Variants in SLC44A1 observed in about 807,000 individuals in gnomAD.
SLC44A1 encodes the protein solute carrier family 44 member 1, also known as choline transporter-like protein 1.
Under a neutral mutation model 79.3 loss-of-function variants are expected in SLC44A1, and 26 were observed. That is an observed-to-expected ratio of 0.33 (90% CI 0.24 to 0.46). The LOEUF (loss-of-function observed/expected upper bound fraction) is 0.46, where lower values mean the gene tolerates loss of function less well. Among genes scored for constraint, SLC44A1 ranks in the 20% least tolerant of loss-of-function variants. The pLI, the probability that SLC44A1 is intolerant of heterozygous loss-of-function variation, is 1.00. For synonymous variants in SLC44A1, 263 were observed against 286.2 expected, an observed-to-expected ratio of 0.92 and a Z score of 0.82; for missense variants, 688 against 798.1, an observed-to-expected ratio of 0.86 and a Z score of 1.66.
chr9:105,325,229 C>T (rs2417614), intron 3 of SLC44A1, among the ~76,000 whole-genome samples: 20,082 of 152,114 alleles, frequency 0.13, 2,679 homozygotes, highest in African/African-American at 0.35. Context: ...GAAAGTGTTA[C>T]ACTACATAAA....
Position 105,391,852 on chromosome 9 carries a change from G to A in SLC44A1, c.*2796G>A. 8 of 985,168 alleles carry A rather than the reference G, an allele frequency of 8.1e-6. No homozygotes were observed. Among genetic ancestry groups the A allele is most frequent in the Non-Finnish European group, 7.2e-6 (6 of 829,862 alleles). The allele number at this position is 985,168 out of a possible 1,614,324, so 61.0% of individuals were successfully genotyped here. A position where few individuals can be genotyped will look rare whatever the true frequency, so the allele number is the denominator to read the frequency against. On this transcript the variant is annotated 3_prime_UTR_variant, in exon 16 of 16. Transcript: ENST00000374720. ...TGTGGTGGTTTTTGTCTTCTTCTGT[G>A]GTGAATCTTCAAAACTGTATTCAGG...
intron 8 of SLC44A1, among the ~76,000 whole-genome samples, chr9:105,362,431 C>T (rs1564458959): frequency 6.6e-6 from 1 of 152,054 alleles, no homozygotes; most frequent in Non-Finnish European, 1.5e-5. Flanking sequence ...ACACAGATCC[C>T]ACTTTTAAGG....
At chr9:105,337,820 A>G (rs1826969998) in intron 4 of SLC44A1, among the ~76,000 whole-genome samples, 3 of 152,100 alleles carry the variant, frequency 2.0e-5, no homozygotes, top group South Asian at 2.1e-4. Context: ...GAGATGCCCT[A>G]TGGTCCCCTG....
rs532908912 is a variant in SLC44A1, at chr9:105,383,340, A to C, written c.1850A>C (p.Tyr617Ser). Residue 617 changes from tyrosine (Y) to serine (S), a missense_variant, in exon 14 of 16, where the codon TAT becomes TCT. Tyr to Ser is a moderately radical substitution (Grantham distance 144). Transcript: ENST00000374720. ...YNDGSPGREF[Y>S]MDKVLMEFVE... ...GATGGGAGCCCTGGCAGAGAATTCT[A>C]TATGGATAAAGTGCTGATGGTAAGT... 6 of 1,603,634 alleles carry C rather than the reference A, an allele frequency of 3.7e-6. No individual in the cohort carries two copies. The South Asian group carries it at 6.6e-5, about 18-fold the overall frequency.
intron 12 of SLC44A1, among the ~76,000 whole-genome samples, chr9:105,371,935 A>T (rs1828117329): frequency 6.6e-6 from 1 of 152,168 alleles, no homozygotes; most frequent in African/African-American, 2.4e-5. Flanking sequence ...GTTACACAAG[A>T]TCAAAAGTGT....
At chr9:105,262,465 A>G (rs1282221857) in intron 1 of SLC44A1, among the ~76,000 whole-genome samples, 2 of 152,244 alleles carry the variant, frequency 1.3e-5, no homozygotes, top group East Asian at 1.9e-4. Flanking sequence ...TCATGTTGAA[A>G]TGACCAGCTT....
chr9:105,252,357 T>G (rs1829608178), intron 1 of SLC44A1, among the ~76,000 whole-genome samples: 1 of 152,236 alleles, frequency 6.6e-6, no homozygotes, highest in Non-Finnish European at 1.5e-5. Context: ...ATGAAATATT[T>G]GAATGAATTA....
At chr9:105,294,794 T>C (rs1830680974) in intron 1 of SLC44A1, 1 of 151,882 alleles carries the variant, frequency 6.6e-6, no homozygotes, top group Non-Finnish European at 1.5e-5. Flanking sequence ...GGATTTCAAT[T>C]ACATGTATGT....
At chr9:105,255,101 G>GTTTTTTTT (rs74312883) in intron 1 of SLC44A1, among the ~76,000 whole-genome samples, 6 of 111,874 alleles carry the variant, frequency 5.4e-5, no homozygotes, top group Non-Finnish European at 1.0e-4. Context: ...AGGTTTTTTT[G>GTTTTTTTT]TTTTTTTTTT....
chr9:105,330,892 C>A (rs1023513946), intron 3 of SLC44A1, among the ~76,000 whole-genome samples: 2 of 152,208 alleles, frequency 1.3e-5, no homozygotes, highest in African/African-American at 4.8e-5. Context: ...TTTCTCCATT[C>A]CCATCTACCT....
chr9:105,383,762 T>C (rs1425647685), intron 14 of SLC44A1, among the ~76,000 whole-genome samples: 2 of 152,216 alleles, frequency 1.3e-5, no homozygotes, highest in East Asian at 3.8e-4. Context: ...GCCCCAAACA[T>C]TACTGCTGTC....
intron 1 of SLC44A1, among the ~76,000 whole-genome samples, chr9:105,268,416 C>T (rs775393052): frequency 2.9e-4 from 44 of 152,152 alleles, no homozygotes; most frequent in Non-Finnish European, 3.8e-4. Context: ...TGGAAGGGAG[C>T]CGAATTCAGT....
intron 15 of SLC44A1, among the ~76,000 whole-genome samples, chr9:105,420,600 G>A (rs546220402): frequency 4.2e-4 from 64 of 152,120 alleles, no homozygotes; most frequent in African/African-American, 1.3e-3. Context: ...GGTGGCTCAC[G>A]CCTGTAATCT....
chr9:105,337,731 CCTGAG>C (rs1178486914), intron 4 of SLC44A1, among the ~76,000 whole-genome samples: 1 of 152,174 alleles, frequency 6.6e-6, no homozygotes, highest in Non-Finnish European at 1.5e-5. Flanking sequence ...GTCCCTTGAA[CCTGAG>C]CTGTCATCTG....
At chr9:105,255,998 T>G (rs1829694871) in intron 1 of SLC44A1, among the ~76,000 whole-genome samples, 1 of 152,180 alleles carries the variant, frequency 6.6e-6, no homozygotes, top group Admixed American at 6.5e-5. Flanking sequence ...TTTGGAAAGG[T>G]ACCCTGACTT....
intron 1 of SLC44A1, among the ~76,000 whole-genome samples, chr9:105,285,525 A>G (rs1290921652): frequency 1.3e-5 from 2 of 152,202 alleles, no homozygotes; most frequent in Non-Finnish European, 1.5e-5. Flanking sequence ...TGTGAGCAAC[A>G]AGGCTGTTTA....
chr9:105,426,070 A>G (rs1829318592), intron 15 of SLC44A1, among the ~76,000 whole-genome samples: 1 of 152,220 alleles, frequency 6.6e-6, no homozygotes, highest in Non-Finnish European at 1.5e-5. Flanking sequence ...ATGTAAGATG[A>G]AAGACTAGTT....
chr9:105,390,233 T>C lies in SLC44A1; in HGVS notation c.*1177T>C. 1.8e-6 allele frequency: 2 copies of C among 1,096,106 alleles called. No individual in the cohort carries two copies. Among genetic ancestry groups the C allele is most frequent in the Non-Finnish European group, 2.2e-6 (2 of 901,620 alleles). The allele number at this position is 1,096,106 out of a possible 1,614,324, so 67.9% of individuals were successfully genotyped here. On this transcript the variant is annotated 3_prime_UTR_variant, in exon 16 of 16. Coordinates refer to ENST00000374720, the MANE Select transcript of SLC44A1 (RefSeq NM_080546.5). ...AAGCTTACCAGATATGAATGGCTAA[T>C]ACTCCATTGTTCTGCTTGTTGTAAT...
At chr9:105,383,051 C>T in intron 13 of SLC44A1, 72 bp from the exon 14 acceptor site, 1 of 1,038,960 alleles carries the variant, frequency 9.6e-7, no homozygotes, top group South Asian at 1.4e-5. Context: ...AATTTTAAGT[C>T]TGCAAATGGT....
Sources: allele counts gnomAD v4.1 joint callset (sites outside exome capture counted in the v4.1 genomes callset), GRCh38; gene constraint gnomAD v4.1.1; transcripts MANE v1.5; gene names NCBI Gene and HGNC (gene_info 2026-07-23, HGNC 2026-07-21).